VAV3: variants seen among roughly 807,000 people sequenced by gnomAD.
VAV3 encodes guanine nucleotide exchange factor VAV3.
VAV3 carries 94 observed loss-of-function variants against 131.2 expected under a neutral mutation model. That is an observed-to-expected ratio of 0.72 (90% CI 0.61 to 0.85). The LOEUF is 0.85. Ranked by LOEUF, VAV3 falls within the 40% of genes least tolerant of loss-of-function variation. The pLI is 0.00. For missense variants in VAV3, 939 were observed against 1,002.7 expected (o/e 0.94, Z 0.86); for synonymous variants, 349 against 342.0 (o/e 1.02, Z -0.22).
chr1:107,577,916 C>A (rs1284021694), intron 25 of VAV3, among the ~76,000 whole-genome samples: 4 of 152,166 alleles, frequency 2.6e-5, no homozygotes, highest in Non-Finnish European at 5.9e-5. Context: ...TTTCTACAGC[C>A]AAGCATGAGG....
intron 2 of VAV3, among the ~76,000 whole-genome samples, chr1:107,830,128 G>A (rs2102385919): frequency 6.6e-6 from 1 of 152,164 alleles, no homozygotes; most frequent in African/African-American, 2.4e-5. Context: ...CTGAGAACCA[G>A]AAAACAGGTT....
At chr1:107,636,953 T>C (rs1654975867) in intron 20 of VAV3, among the ~76,000 whole-genome samples, 2 of 151,866 alleles carry the variant, frequency 1.3e-5, no homozygotes, top group African/African-American at 4.8e-5. Context: ...GAAGAGCAAA[T>C]TAAGCCCAAA....
intron 1 of VAV3, among the ~76,000 whole-genome samples, chr1:107,963,127 A>C (rs1675212941): frequency 6.6e-6 from 1 of 152,182 alleles, no homozygotes; most frequent in Non-Finnish European, 1.5e-5. Flanking sequence ...GCTGTCCAGA[A>C]AACGTGATTA....
chr1:107,603,042 C>T lies in VAV3; in HGVS notation c.2132+5G>A. 1 of 1,600,722 alleles carries T rather than the reference C, an allele frequency of 6.2e-7. No individual in the cohort carries two copies. The highest frequency in any genetic ancestry group is 1.3e-5 in the African/African-American group (1 of 74,752). On this transcript the variant is annotated splice_donor_5th_base_variant and intron_variant, in intron 23 of 26. Transcript: ENST00000370056. ...TATTTCTGTAAAAGTACTTGTCCTA[C>T]TTACTTAATGCTAATTGCATATTCT...
intron 2 of VAV3, among the ~76,000 whole-genome samples, chr1:107,813,118 CAAAAAA>C (rs11310564): frequency 1.6e-4 from 21 of 133,264 alleles, no homozygotes; most frequent in African/African-American, 5.7e-4. Context: ...GACTCCGTCT[CAAAAAA>C]AAAAAAAAAC....
At chr1:107,723,505 C>G (rs1215406152) in intron 15 of VAV3, among the ~76,000 whole-genome samples, 4 of 152,106 alleles carry the variant, frequency 2.6e-5, no homozygotes, top group Admixed American at 2.6e-4. Context: ...CCTGGATTCT[C>G]CATCTGGGCC....
chr1:107,651,591 CTTCCAAA>C (rs957250288), intron 19 of VAV3, among the ~76,000 whole-genome samples: 4 of 151,830 alleles, frequency 2.6e-5, no homozygotes, highest in African/African-American at 9.7e-5. Flanking sequence ...AAAGGCCACC[CTTCCAAA>C]TATGCATGTG....
At chr1:107,825,360 A>G (rs1447320539) in intron 2 of VAV3, among the ~76,000 whole-genome samples, 1 of 152,138 alleles carries the variant, frequency 6.6e-6, no homozygotes, top group African/African-American at 2.4e-5. Context: ...CATGGAATGC[A>G]GAAACAAAGA....
Position 107,835,733 on chromosome 1 carries a change from T to C in VAV3, c.321+39168A>G, listed in dbSNP as rs537239585. On this transcript the variant is annotated intron_variant, in intron 2 of 26. Coordinates refer to ENST00000370056, the MANE Select transcript of VAV3 (RefSeq NM_006113.5). ...CTGCAGGGCAAAAAACCCCGGCCCA[T>C]AGGCACCATACCATCTGCACAGCCA... Among the ~76,000 whole-genome samples, 18 of 152,230 alleles carry C rather than the reference T, an allele frequency of 1.2e-4. No homozygotes were observed. In the South Asian group the frequency reaches 2.7e-3, roughly 23 times the overall value.
chr1:107,644,380 C>T (rs907681756), intron 19 of VAV3, among the ~76,000 whole-genome samples: 2 of 152,064 alleles, frequency 1.3e-5, no homozygotes, highest in Non-Finnish European at 2.9e-5. Context: ...TTGCAGTTCA[C>T]CTCCTTTTTA....
chr1:107,585,197 C>T (rs1650388048), intron 25 of VAV3, among the ~76,000 whole-genome samples: 1 of 152,134 alleles, frequency 6.6e-6, no homozygotes, highest in Non-Finnish European at 1.5e-5. Flanking sequence ...TACTATTATA[C>T]ATCACATCTG....
At chr1:107,859,626 C>G (rs1277548795) in intron 2 of VAV3, among the ~76,000 whole-genome samples, 1 of 152,082 alleles carries the variant, frequency 6.6e-6, no homozygotes, top group Non-Finnish European at 1.5e-5. Flanking sequence ...CCCTAAATTA[C>G]AGAAAACTAA....
chr1:107,806,310 G>C (rs1037179125), intron 2 of VAV3, among the ~76,000 whole-genome samples: 2 of 152,062 alleles, frequency 1.3e-5, no homozygotes, highest in Admixed American at 1.3e-4. Context: ...GGCTGACTGG[G>C]GGAAAAGGCA....
At chr1:107,587,664 C>T (rs1446007659) in intron 25 of VAV3, among the ~76,000 whole-genome samples, 3 of 152,162 alleles carry the variant, frequency 2.0e-5, no homozygotes, top group Admixed American at 2.0e-4. Flanking sequence ...CATCTTGGCT[C>T]ACTACAACCT....
intron 15 of VAV3, among the ~76,000 whole-genome samples, chr1:107,743,679 G>A (rs972867890): frequency 1.3e-5 from 2 of 152,034 alleles, no homozygotes; most frequent in Non-Finnish European, 2.9e-5. Context: ...TCTCTCTCTG[G>A]TATTCAAAAT....
chr1:107,633,559 C>G (rs1262871154), intron 20 of VAV3, among the ~76,000 whole-genome samples: 1 of 152,134 alleles, frequency 6.6e-6, no homozygotes, highest in African/African-American at 2.4e-5. Flanking sequence ...CTGTGGCACA[C>G]TGTTATTTTG....
At chr1:107,682,292 AT>A (rs966164707) in intron 19 of VAV3, among the ~76,000 whole-genome samples, 6 of 152,210 alleles carry the variant, frequency 3.9e-5, no homozygotes, top group Non-Finnish European at 5.9e-5. Flanking sequence ...CATTAAAAAA[AT>A]AACACTTATA....
chr1:107,905,283 T>C (rs1369766740), intron 1 of VAV3, among the ~76,000 whole-genome samples: 1 of 152,240 alleles, frequency 6.6e-6, no homozygotes, highest in East Asian at 1.9e-4. Flanking sequence ...CAAGGAAGAT[T>C]TCCCATCCCA....
chr1:107,711,033 C>T (rs781075804), intron 15 of VAV3, among the ~76,000 whole-genome samples: 2 of 151,902 alleles, frequency 1.3e-5, no homozygotes, highest in Non-Finnish European at 2.9e-5. Flanking sequence ...CTGTATTTTT[C>T]AATATTGTTC....
Sources: gnomAD v4.1 joint callset for allele counts (sites outside exome capture counted in the v4.1 genomes callset) on GRCh38, gnomAD v4.1.1 for gene constraint, MANE v1.5 for transcripts, NCBI Gene and HGNC (gene_info 2026-07-23, HGNC 2026-07-21) for gene names.